Variants in RBFOX1 observed in about 807,000 individuals in gnomAD.
RBFOX1 encodes RNA binding protein fox-1 homolog 1.
RBFOX1 carries 8 observed loss-of-function variants against 57.7 expected under a neutral mutation model. That is an observed-to-expected ratio of 0.14 (90% CI 0.08 to 0.25). The LOEUF (loss-of-function observed/expected upper bound fraction) is 0.25. Among genes scored for constraint, RBFOX1 ranks in the 10% least tolerant of loss-of-function variants. The pLI is 1.00. For missense variants in RBFOX1, 611 were observed against 548.5 expected (o/e 1.11, Z -1.14); for synonymous variants, 326 against 222.4 (o/e 1.47, Z -4.15).
intron 9 of RBFOX1, among the ~76,000 whole-genome samples, chr16:7,599,636 GAC>G (rs2094901484): frequency 8.5e-5 from 4 of 47,172 alleles, no homozygotes; most frequent in Admixed American, 2.7e-4. Flanking sequence ...AATTAATAAA[GAC>G]TTTTTTTTTT....
intron 14 of RBFOX1, among the ~76,000 whole-genome samples, chr16:7,686,060 G>C (rs543468603): frequency 7.9e-5 from 12 of 151,960 alleles, no homozygotes; most frequent in African/African-American, 2.9e-4. Context: ...GCTTCTTTGC[G>C]TGGTTGTGAG....
At chr16:5,418,354 G>C (rs544732276) in intron 1 of RBFOX1, among the ~76,000 whole-genome samples, 1 of 146,710 alleles carries the variant, frequency 6.8e-6, no homozygotes, top group Admixed American at 6.8e-5. Flanking sequence ...TGCGGTCACA[G>C]GTGTCTGAGA....
chr16:7,020,799 C>G (rs964649534), intron 3 of RBFOX1, among the ~76,000 whole-genome samples: 1 of 152,122 alleles, frequency 6.6e-6, no homozygotes, highest in Non-Finnish European at 1.5e-5. Flanking sequence ...TTCCCAGTAT[C>G]CACCACCCTG....
chr16:7,419,925 C>CT (rs367626244), intron 4 of RBFOX1, among the ~76,000 whole-genome samples: 1,020 of 101,658 alleles, frequency 0.01, 4 homozygotes, highest in African/African-American at 0.022. Context: ...TTCTTTCTTC[C>CT]TTTTTTTTTT....
intron 2 of RBFOX1, among the ~76,000 whole-genome samples, chr16:6,590,335 G>A (rs746025623): frequency 4.6e-5 from 7 of 152,140 alleles, no homozygotes; most frequent in Admixed American, 2.6e-4. Flanking sequence ...TTTGCCTGTA[G>A]GTGTCATTCA....
chr16:6,985,573 A>G (rs1449942255), intron 3 of RBFOX1, among the ~76,000 whole-genome samples: 1 of 152,216 alleles, frequency 6.6e-6, no homozygotes, highest in East Asian at 1.9e-4. Flanking sequence ...CACGCCTGTA[A>G]TCCCAGCACT....
chr16:6,732,043 C>G (rs557396750), intron 3 of RBFOX1, among the ~76,000 whole-genome samples: 3 of 152,288 alleles, frequency 2.0e-5, no homozygotes, highest in African/African-American at 7.2e-5. Context: ...ATTGGAATGA[C>G]TTAAGCTATG....
intron 3 of RBFOX1, among the ~76,000 whole-genome samples, chr16:6,927,414 C>CAAAAAAAAAAAAAAAAAAAAAAAA (rs1194663760): frequency 5.6e-5 from 3 of 53,144 alleles, no homozygotes; most frequent in African/African-American, 3.2e-4. Context: ...CGCTTTCTCA[C>CAAAAAAAAAAAAAAAAAAAAAAAA]AAAAAAAAAA....
intron 1 of RBFOX1, among the ~76,000 whole-genome samples, chr16:5,401,764 TCTC>T (rs71142618): frequency 0.017 from 1,721 of 103,416 alleles, 23 homozygotes; most frequent in Middle Eastern, 0.041. Flanking sequence ...TCCCTGTCTC[TCTC>T]CTCCTCCTCC....
chr16:6,588,232 G>GAA (rs879864724), intron 2 of RBFOX1, among the ~76,000 whole-genome samples: 1 of 142,066 alleles, frequency 7.0e-6, no homozygotes, highest in Admixed American at 7.0e-5. Context: ...TGTGTCTCGG[G>GAA]AAAAAAAAAA....
At chr16:5,361,969 TA>T (rs2065563953) in intron 1 of RBFOX1, among the ~76,000 whole-genome samples, 1 of 152,242 alleles carries the variant, frequency 6.6e-6, no homozygotes, top group Non-Finnish European at 1.5e-5. Flanking sequence ...TTAACAGAGC[TA>T]AAAACCACCA....
intron 4 of RBFOX1, among the ~76,000 whole-genome samples, chr16:7,402,448 T>C (rs1426384544): frequency 6.6e-6 from 1 of 152,210 alleles, no homozygotes; most frequent in Non-Finnish European, 1.5e-5. Flanking sequence ...CAAATAATAG[T>C]ATCCCATCCT....
In RBFOX1 at chr16:7,037,853, A is replaced by T. The variant is rs533074871; in HGVS notation, c.-15-14204A>T. ...CAAATGTCTCTCAGTTAATATGATC[A>T]AGATGACTGCCCAGATAAGGCCATG... On this transcript the variant is annotated intron_variant, in intron 3 of 15. Transcript: ENST00000550418. 2.0e-5 allele frequency among the ~76,000 whole-genome samples: 3 copies of T among 152,340 alleles called. No homozygotes were observed. In the East Asian group the frequency reaches 5.8e-4, roughly 29 times the overall value.
intron 3 of RBFOX1, among the ~76,000 whole-genome samples, chr16:5,772,717 A>G (rs544160283): frequency 1.3e-4 from 20 of 152,152 alleles, no homozygotes; most frequent in Non-Finnish European, 2.4e-4. Flanking sequence ...GCTGAGAGGA[A>G]CAGATCTGAT....
chr16:6,663,924 A>T (rs1169251136), intron 3 of RBFOX1, among the ~76,000 whole-genome samples: 1 of 152,212 alleles, frequency 6.6e-6, no homozygotes, highest in Non-Finnish European at 1.5e-5. Flanking sequence ...CAGTGGGAAA[A>T]GTGGCTAGAG....
intron 4 of RBFOX1, among the ~76,000 whole-genome samples, chr16:5,912,356 G>T (rs1719970422): frequency 6.6e-6 from 1 of 152,152 alleles, no homozygotes; most frequent in South Asian, 2.1e-4. Flanking sequence ...ATTGATGCCT[G>T]TACATTTAGC....
intron 4 of RBFOX1, among the ~76,000 whole-genome samples, chr16:7,358,120 T>G (rs1366617591): frequency 7.2e-5 from 11 of 152,308 alleles, no homozygotes; most frequent in South Asian, 2.1e-4. Flanking sequence ...TCTTACTGAT[T>G]AACTTTCATA....
At chr16:5,341,517 G>T (rs182044500) in intron 1 of RBFOX1, among the ~76,000 whole-genome samples, 100 of 152,226 alleles carry the variant, frequency 6.6e-4, no homozygotes, top group Non-Finnish European at 3.5e-4. Context: ...ATGTGGGGTG[G>T]GGAAAAGAAC....
chr16:7,142,434 C>A (rs184348730), intron 4 of RBFOX1, among the ~76,000 whole-genome samples: 6 of 152,110 alleles, frequency 3.9e-5, no homozygotes, highest in African/African-American at 7.2e-5. Context: ...TCCATCAGCC[C>A]CTGTACCGCA....
Sources: gnomAD v4.1 joint callset for allele counts (sites outside exome capture counted in the v4.1 genomes callset) on GRCh38, gnomAD v4.1.1 for gene constraint, MANE v1.5 for transcripts, NCBI Gene and HGNC (gene_info 2026-07-23, HGNC 2026-07-21) for gene names.